Variants in SKI observed in about 807,000 individuals in gnomAD.
SKI encodes ski oncogene.
SKI carries 23 observed loss-of-function variants against 59.3 expected under a neutral mutation model. The ratio of observed to expected loss-of-function variants is 0.39; its 90% confidence interval spans 0.28 to 0.55. The LOEUF (loss-of-function observed/expected upper bound fraction) is 0.55, where lower values mean the gene tolerates loss of function less well. Ranked by LOEUF, SKI falls within the 20% of genes least tolerant of loss-of-function variation. The probability of loss-of-function intolerance (pLI) is 0.67; values close to 1 mark genes in which losing one functional copy is unlikely to be tolerated. For missense variants in SKI, 1,017 were observed against 1,038.9 expected, an observed-to-expected ratio of 0.98 and a Z score of 0.29; for synonymous variants, 673 against 488.6, an observed-to-expected ratio of 1.38 and a Z score of -4.98.
chr1:2,231,556 C>T (rs576690444), intron 1 of SKI, among the ~76,000 whole-genome samples: 28 of 152,348 alleles, frequency 1.8e-4, no homozygotes, highest in African/African-American at 6.3e-4. Flanking sequence ...ACAGGCCAGA[C>T]AGGCTCTGGT....
At chr1:2,258,398 G>A (rs528173239) in intron 1 of SKI, among the ~76,000 whole-genome samples, 16 of 152,266 alleles carry the variant, frequency 1.1e-4, no homozygotes, top group South Asian at 2.1e-4. Flanking sequence ...GTGCTACGGC[G>A]TCATGGAAGA....
chr1:2,303,418 A>T lies in SKI; in HGVS notation c.1211+18A>T. The T allele has an allele frequency of 1.9e-6, 3 of 1,599,420 alleles. No homozygotes were observed. The highest frequency in any genetic ancestry group is 2.6e-6 in the Non-Finnish European group (3 of 1,168,774). ...CGAGACAGGTGAGTGGGCGCCATTC[A>T]CAGGTGTTTCTGATCACGGGGGAGG... is the stretch of plus-strand genomic sequence containing the variant. On this transcript the variant is annotated intron_variant, in intron 3 of 6. Coordinates refer to ENST00000378536, the MANE Select transcript of SKI (RefSeq NM_003036.4). This position sits in a 1 kb window ranked among gnomAD's most constrained non-coding sequence, Gnocchi z 5.6.
intron 5 of SKI, among the ~76,000 whole-genome samples, chr1:2,305,769 C>G (rs1265971007): frequency 1.3e-5 from 2 of 152,218 alleles, no homozygotes; most frequent in African/African-American, 4.8e-5. Flanking sequence ...GCCGCAGCCT[C>G]AAGTGACTGA....
intron 1 of SKI, among the ~76,000 whole-genome samples, chr1:2,297,148 T>G (rs192497567): frequency 1.3e-5 from 2 of 152,006 alleles, no homozygotes; most frequent in Admixed American, 6.6e-5. Flanking sequence ...AGTGTGTTGC[T>G]CAGGCTGGAG....
chr1:2,245,800 T>TTTTC (rs1638981895), intron 1 of SKI, among the ~76,000 whole-genome samples: 1 of 132,054 alleles, frequency 7.6e-6, no homozygotes, highest in Non-Finnish European at 1.6e-5. Context: ...TTTTTTTTTT[T>TTTTC]TTTTTTTTTT....
intron 1 of SKI, among the ~76,000 whole-genome samples, chr1:2,243,304 C>T (rs1416822405): frequency 1.3e-5 from 2 of 152,264 alleles, no homozygotes; most frequent in African/African-American, 4.8e-5. Flanking sequence ...CAGTGTGCTC[C>T]GCGTACCACC....
rs1475633223 is a variant in SKI at position 2,269,010 on chromosome 1, A to AGC, written c.970-33967_970-33966dup. 2.0e-5 allele frequency among the ~76,000 whole-genome samples: 3 copies of AGC among 151,866 alleles called. No homozygotes were observed. The highest frequency in any genetic ancestry group is 7.3e-5 in the African/African-American group (3 of 41,296). On this transcript the variant is annotated intron_variant, in intron 1 of 6. Transcript: ENST00000378536. The surrounding 1 kb of genome is among the most constrained non-coding windows in gnomAD (Gnocchi z 4.7). Reference sequence around the variant, plus strand: ...TCTGTCACCCAGGCTGGAGTGCAGCAGCACAGTCTTGCGGCCTCAACCTTG... The same window carrying AGC: ...TCTGTCACCCAGGCTGGAGTGCAGCAGCGCACAGTCTTGCGGCCTCAACCTTG...
In SKI at chr1:2,268,894, C is replaced by A. The variant is rs548394534; in HGVS notation, c.970-34084C>A. On this transcript the variant is annotated intron_variant, in intron 1 of 6. Coordinates refer to ENST00000378536, the MANE Select transcript of SKI (RefSeq NM_003036.4). The surrounding 1 kb of genome is among the most constrained non-coding windows in gnomAD (Gnocchi z 5.0). Reference sequence around the variant, plus strand: ...TGCCTTTCCCCTTTATCCTTTCCCCCCTTCCATGTCCATTTCCCTTTTCCC... The same window carrying A: ...TGCCTTTCCCCTTTATCCTTTCCCCACTTCCATGTCCATTTCCCTTTTCCC... Among the ~76,000 whole-genome samples, 1 of 151,928 alleles carries A rather than the reference C, an allele frequency of 6.6e-6. No individual in the cohort carries two copies.
At chr1:2,271,206 C>T (rs1639609966) in intron 1 of SKI, among the ~76,000 whole-genome samples, 1 of 152,176 alleles carries the variant, frequency 6.6e-6, no homozygotes, top group Non-Finnish European at 1.5e-5. Flanking sequence ...TGGACACTCC[C>T]ACCTCCCAGT....
intron 1 of SKI, among the ~76,000 whole-genome samples, chr1:2,277,471 C>T (rs1569791986): frequency 6.6e-6 from 1 of 152,168 alleles, no homozygotes; most frequent in Non-Finnish European, 1.5e-5. Context: ...TCTGCTTTTG[C>T]TTCCTCCTCA....
Position 2,303,982 on chromosome 1 carries a change from C to G in SKI, c.1354C>G (p.Pro452Ala). 6.2e-7 allele frequency: 1 copy of G among 1,612,516 alleles called. No homozygotes were observed. Among genetic ancestry groups the G allele is most frequent in the Non-Finnish European group, 8.5e-7 (1 of 1,179,848 alleles). Residue 452 changes from proline to alanine, a missense_variant, in exon 4 of 7, where the codon CCT becomes GCT. Pro to Ala is a conservative substitution (Grantham distance 27, BLOSUM62 -1). Coordinates refer to ENST00000378536, the MANE Select transcript of SKI (RefSeq NM_003036.4). The surrounding 1 kb of genome is among the most constrained non-coding windows in gnomAD (Gnocchi z 5.6). ...APEPLATCTQ[P>A]RKRKLTVDTP... is the part of the protein sequence containing the mutation. ...CGAGCCTCTCGCCACTTGCACCCAG[C>G]CTCGGAAGCGGAAGCTGACTGTGGA...
At chr1:2,252,952 C>G (rs184049162) in intron 1 of SKI, among the ~76,000 whole-genome samples, 1 of 151,878 alleles carries the variant, frequency 6.6e-6, no homozygotes, top group Non-Finnish European at 1.5e-5. Context: ...AAAAATTAGC[C>G]GGGCGTGGTT....
At position 2,309,264 on chromosome 1, in the gene SKI, CTG is replaced by C. The variant is rs1192124563; in HGVS notation, c.*2506_*2507del. ...TCCGCTGTGTGGGCTGCTGACTCCT[CTG>C]TGTGTGAGGCCCTTCATCTAAGTGA... On this transcript the variant is annotated 3_prime_UTR_variant, in exon 7 of 7. Transcript: ENST00000378536. 5.3e-5 allele frequency: 8 copies of C among 152,326 alleles called. No individual in the cohort carries two copies. The highest frequency in any genetic ancestry group is 1.3e-4 in the Admixed American group (2 of 15,308). 9.4% of individuals were successfully genotyped at this position (152,326 alleles called of 1,614,324 possible).
chr1:2,242,483 C>T (rs1638901316), intron 1 of SKI, among the ~76,000 whole-genome samples: 1 of 152,052 alleles, frequency 6.6e-6, no homozygotes. Flanking sequence ...GTGTCCCTGC[C>T]CTCACTGTAA....
intron 1 of SKI, among the ~76,000 whole-genome samples, chr1:2,287,493 C>T (rs1254116728): frequency 7.2e-5 from 11 of 151,904 alleles, no homozygotes; most frequent in East Asian, 3.9e-4. Context: ...CCCGCCACCA[C>T]GCCCAGCTAA....
rs376212390 is a variant in SKI at position 2,265,405 on chromosome 1, C to G, written c.969+35670C>G. Among the ~76,000 whole-genome samples, 61 of 152,300 alleles carry G rather than the reference C, an allele frequency of 4.0e-4. 2 individuals carry two copies. The highest frequency in any genetic ancestry group is 2.9e-3 in the East Asian group (15 of 5,176). On this transcript the variant is annotated intron_variant, in intron 1 of 6. Transcript: ENST00000378536. ...AACCTTTTCTTCCACAATGTCTCCT[C>G]CACGGTTAATCCCATATAGCGGATG...
At chr1:2,258,294 G>A (rs776646981) in intron 1 of SKI, among the ~76,000 whole-genome samples, 1 of 152,080 alleles carries the variant, frequency 6.6e-6, no homozygotes, top group Non-Finnish European at 1.5e-5. Flanking sequence ...GAATGGTCTC[G>A]GCTGGTATGT....
At chr1:2,286,715 C>T (rs527868527) in intron 1 of SKI, among the ~76,000 whole-genome samples, 2 of 152,354 alleles carry the variant, frequency 1.3e-5, no homozygotes, top group East Asian at 1.9e-4. Flanking sequence ...GGACAGACTG[C>T]GTGTGGGGGC....
intron 1 of SKI, among the ~76,000 whole-genome samples, chr1:2,262,414 G>C (rs111256284): frequency 3.3e-5 from 5 of 150,234 alleles, no homozygotes; most frequent in Non-Finnish European, 5.9e-5. Context: ...TCTGGAAGGC[G>C]TGGAGTCAGA....
Sources: allele counts gnomAD v4.1 joint callset (sites outside exome capture counted in the v4.1 genomes callset), GRCh38; gene constraint gnomAD v4.1.1; non-coding constraint Gnocchi (gnomAD v3.1); transcripts MANE v1.5; gene names NCBI Gene and HGNC (gene_info 2026-07-23, HGNC 2026-07-21).